LANCL3: variants seen among roughly 807,000 people sequenced by gnomAD.
The protein encoded by LANCL3 is lanC-like protein 3.
In LANCL3, 19 loss-of-function variants were observed where a neutral mutation model predicts 26.5. That is an observed-to-expected ratio of 0.72 (90% CI 0.50 to 1.05). The LOEUF is 1.05. LANCL3 is among the 50% of genes least tolerant of loss of function. LANCL3 has a pLI of 0.00. For synonymous variants in LANCL3, 160 were observed against 166.6 expected, an observed-to-expected ratio of 0.96 and a Z score of 0.30; for missense variants, 318 against 362.7, an observed-to-expected ratio of 0.88 and a Z score of 1.00.
chrX:37,659,058 C>T (rs1011237087), intron 2 of LANCL3, among the ~76,000 whole-genome samples: 2 of 112,546 alleles, frequency 1.8e-5, no homozygotes, highest in African/African-American at 6.5e-5. Flanking sequence ...ATTTCAATTA[C>T]AAAGTTTTAA....
chrX:37,582,435 C>T (rs1429408378), intron 1 of LANCL3, among the ~76,000 whole-genome samples: 2 of 111,939 alleles, frequency 1.8e-5, no homozygotes, highest in South Asian at 7.5e-4. Context: ...CACATGCTCT[C>T]CAGCACCTGT....
intron 3 of LANCL3, among the ~76,000 whole-genome samples, chrX:37,666,920 C>T (rs1374359543): frequency 4.5e-5 from 5 of 112,226 alleles, no homozygotes; most frequent in African/African-American, 6.5e-5. Flanking sequence ...CTAGAGTATG[C>T]GTCATTAAAT....
intron 2 of LANCL3, 141 bp downstream of exon 2, chrX:37,655,952 C>A: frequency 2.2e-6 from 1 of 452,672 alleles, no homozygotes; most frequent in East Asian, 4.2e-5. Context: ...TCTTTAAAAA[C>A]CTATACTGAT....
At chrX:37,586,501 T>C (rs1382925836) in intron 1 of LANCL3, among the ~76,000 whole-genome samples, 2 of 111,805 alleles carry the variant, frequency 1.8e-5, no homozygotes, top group African/African-American at 6.5e-5. Context: ...CGTTTCTTTT[T>C]ATTCTTTTTT....
intron 1 of LANCL3, among the ~76,000 whole-genome samples, chrX:37,649,195 G>A (rs1556427977): frequency 8.9e-6 from 1 of 112,118 alleles, no homozygotes; most frequent in Admixed American, 9.4e-5. Flanking sequence ...CAAAGTCATG[G>A]AAACAACCCA....
At chrX:37,647,637 T>C (rs932707212) in intron 1 of LANCL3, among the ~76,000 whole-genome samples, 16 of 112,274 alleles carry the variant, frequency 1.4e-4, no homozygotes, top group Admixed American at 3.8e-4. Flanking sequence ...CTGCATTCTA[T>C]GCAGATGGGC....
At chrX:37,629,037 T>G (rs782763700) in intron 1 of LANCL3, among the ~76,000 whole-genome samples, 1,219 of 107,301 alleles carry the variant, frequency 0.011, 21 homozygotes, top group African/African-American at 0.039. Flanking sequence ...ACTTCCACAA[T>G]GGTTGAACTA....
At chrX:37,598,188 C>A (rs1924488579) in intron 1 of LANCL3, among the ~76,000 whole-genome samples, 1 of 111,448 alleles carries the variant, frequency 9.0e-6, no homozygotes, top group Non-Finnish European at 1.9e-5. Context: ...AGTTTATCAA[C>A]TTTATCTTTT....
At chrX:37,597,215 A>C (rs1231405605) in intron 1 of LANCL3, among the ~76,000 whole-genome samples, 2 of 112,160 alleles carry the variant, frequency 1.8e-5, no homozygotes, top group Non-Finnish European at 3.8e-5. Flanking sequence ...TGAATGCATC[A>C]TATTTTACCC....
chrX:37,674,872 G>A (rs1350415777), intron 4 of LANCL3, among the ~76,000 whole-genome samples: 1 of 111,342 alleles, frequency 9.0e-6, no homozygotes, highest in Non-Finnish European at 1.9e-5. Context: ...GTGATTATTT[G>A]TGTTCTTGAT....
chrX:37,668,368 T>C (rs781920393), intron 4 of LANCL3: 1 of 386,884 alleles, frequency 2.6e-6, no homozygotes, highest in Admixed American at 3.8e-5. Flanking sequence ...TCCTTTATAG[T>C]TCATTCCCTG....
At position 37,682,248 on chromosome X, in the gene LANCL3, G is replaced by A. The variant is rs1305724297; in HGVS notation, c.*6435G>A. ...CTCCCAAGTAGCTGGGACTACAGGC[G>A]CCCGCCACTACGCCCGGCTAATTTT... On this transcript the variant is annotated 3_prime_UTR_variant, in exon 5 of 5. Coordinates refer to ENST00000378619, the MANE Select transcript of LANCL3 (RefSeq NM_001170331.2). The A allele has an allele frequency of 9.4e-6, 1 of 106,671 alleles. No individual in the cohort carries two copies. The highest frequency in any genetic ancestry group is 1.9e-5 in the Non-Finnish European group (1 of 51,377). The allele number at this position is 106,671 out of a possible 1,213,427, so 8.8% of individuals were successfully genotyped here. A position where few individuals can be genotyped will look rare whatever the true frequency, so the allele number is the denominator to read the frequency against.
chrX:37,617,835 A>G (rs1221526457), intron 1 of LANCL3, among the ~76,000 whole-genome samples: 4 of 111,942 alleles, frequency 3.6e-5, no homozygotes, highest in Non-Finnish European at 7.5e-5. Flanking sequence ...TGCATGAAGA[A>G]TGATTACTAG....
intron 1 of LANCL3, among the ~76,000 whole-genome samples, chrX:37,624,855 G>A (rs140039234): frequency 9.0e-6 from 1 of 111,725 alleles, no homozygotes; most frequent in East Asian, 2.8e-4. Context: ...TAGTGATCAG[G>A]GAGTCAACAC....
chrX:37,635,775 G>A (rs1285798857), intron 1 of LANCL3, among the ~76,000 whole-genome samples: 5 of 110,261 alleles, frequency 4.5e-5, no homozygotes, highest in Admixed American at 3.9e-4. Flanking sequence ...ACATCACTAT[G>A]TACCCTATGA....
intron 1 of LANCL3, among the ~76,000 whole-genome samples, chrX:37,616,391 CAG>C (rs201840209): frequency 0.014 from 1,618 of 111,781 alleles, 26 homozygotes; most frequent in African/African-American, 0.048. Flanking sequence ...CAACCAAAAT[CAG>C]GGGCGAAATG....
At chrX:37,613,165 C>T (rs1556421379) in intron 1 of LANCL3, among the ~76,000 whole-genome samples, 4 of 109,637 alleles carry the variant, frequency 3.6e-5, no homozygotes. Flanking sequence ...TCTCCTTACC[C>T]TGCTTGATTT....
chrX:37,605,792 T>TA (rs1448475372), intron 1 of LANCL3, among the ~76,000 whole-genome samples: 2 of 111,842 alleles, frequency 1.8e-5, no homozygotes, highest in Admixed American at 9.5e-5. Context: ...TCTTATTTAA[T>TA]ACAACACACT....
At chrX:37,669,287 G>A (rs948628514) in intron 4 of LANCL3, among the ~76,000 whole-genome samples, 5 of 111,275 alleles carry the variant, frequency 4.5e-5, no homozygotes, top group South Asian at 3.8e-4. Context: ...CCTGCAACTC[G>A]TGGGCACAGC....
Sources: allele counts gnomAD v4.1 joint callset (sites outside exome capture counted in the v4.1 genomes callset), GRCh38; gene constraint gnomAD v4.1.1; transcripts MANE v1.5; gene names NCBI Gene and HGNC (gene_info 2026-07-23, HGNC 2026-07-21).